Variants in PLCE1 observed in about 807,000 individuals in gnomAD.
PLCE1 encodes the protein phospholipase C epsilon 1, also known as 1-phosphatidylinositol 4,5-bisphosphate phosphodiesterase epsilon-1.
A neutral mutation model predicts 242.8 loss-of-function variants in PLCE1; 119 were observed. The observed-to-expected ratio is 0.49, with a 90% CI of 0.42 to 0.57. The LOEUF (loss-of-function observed/expected upper bound fraction) is 0.57. Ranked by LOEUF, PLCE1 falls within the 20% of genes least tolerant of loss-of-function variation. PLCE1 has a pLI of 0.00. For synonymous variants in PLCE1, 945 were observed against 1,017.4 expected (o/e 0.93, Z 1.35); for missense variants, 2,441 against 2,788.8 (o/e 0.88, Z 2.81).
At chr10:94,197,465 A>G (rs1409432796) in intron 4 of PLCE1, among the ~76,000 whole-genome samples, 1 of 152,150 alleles carries the variant, frequency 6.6e-6, no homozygotes, top group African/African-American at 2.4e-5. Flanking sequence ...GAGGGTTCTG[A>G]TTTATCCACA....
At chr10:94,263,710 A>G (rs1406378613) in intron 14 of PLCE1, among the ~76,000 whole-genome samples, 2 of 151,962 alleles carry the variant, frequency 1.3e-5, no homozygotes. Context: ...ACAAACAAAA[A>G]ACAAGTATGT....
chr10:94,255,071 A>G (rs1264982459), intron 11 of PLCE1, 22 bp downstream of exon 11: 2 of 1,612,444 alleles, frequency 1.2e-6, no homozygotes, highest in East Asian at 2.2e-5. Context: ...ACATGATAAA[A>G]CAGAAGGACC....
Position 94,263,694 on chromosome 10 carries a change from A to G in PLCE1, c.4053+962A>G, listed in dbSNP as rs896979082. Among the ~76,000 whole-genome samples, 3 of 151,958 alleles carry G rather than the reference A, an allele frequency of 2.0e-5. No homozygotes were observed. In the East Asian group the frequency reaches 5.8e-4, roughly 29 times the overall value. The stretch of plus-strand genomic sequence containing the variant: ...GGGTAACAGAGCGAAACCCTGTCTC[A>G]AAAAAACAAACAAAAAACAAGTATG... On this transcript the variant is annotated intron_variant, in intron 14 of 32. Coordinates refer to ENST00000371380, the MANE Select transcript of PLCE1 (RefSeq NM_016341.4).
At chr10:94,112,494 G>A (rs1432997149) in intron 2 of PLCE1, among the ~76,000 whole-genome samples, 1 of 152,228 alleles carries the variant, frequency 6.6e-6, no homozygotes, top group East Asian at 1.9e-4. Flanking sequence ...CTTTGGCTGT[G>A]TATCATGCTG....
intron 2 of PLCE1, chr10:94,096,901 G>C (rs12268638): frequency 1.3e-5 from 2 of 152,194 alleles, no homozygotes; most frequent in Non-Finnish European, 2.9e-5. Context: ...TCATATCAGC[G>C]AGTCTGACTT....
chr10:94,172,095 T>G (rs561496599), intron 4 of PLCE1, among the ~76,000 whole-genome samples: 1 of 151,996 alleles, frequency 6.6e-6, no homozygotes, highest in Non-Finnish European at 1.5e-5. Context: ...AGAAGACAGG[T>G]GTGACTGGAG....
At position 94,332,413 on chromosome 10, in the gene PLCE1, T is replaced by C. The variant is rs1028684891; in HGVS notation, c.*4470T>C. The C allele has an allele frequency of 2.0e-5, 3 of 152,056 alleles. No individual in the cohort carries two copies. Among genetic ancestry groups the C allele is most frequent in the African/African-American group, 7.2e-5 (3 of 41,402 alleles). 9.4% of individuals were successfully genotyped at this position (152,056 alleles called of 1,614,324 possible). ...CCCACCCCACTCTTAAGTGCCAGCA[T>C]AGTGCTAAACACACAGTAGGTGCTC... On this transcript the variant is annotated 3_prime_UTR_variant, in exon 33 of 33. Transcript: ENST00000371380.
In PLCE1 at chr10:94,258,816, A is replaced by C; in HGVS notation, c.3571A>C (p.Ser1191Arg). 1 of 1,614,112 alleles carries C rather than the reference A, an allele frequency of 6.2e-7. No individual in the cohort carries two copies. The highest frequency in any genetic ancestry group is 1.1e-5 in the South Asian group (1 of 91,088). The change falls in exon 12 of 33, where the codon AGC (serine) becomes CGC (arginine). Residue 1191 changes from serine (S) to arginine (R), a missense_variant. Ser to Arg is a moderately radical substitution (Grantham distance 110). Coordinates refer to ENST00000371380, the MANE Select transcript of PLCE1 (RefSeq NM_016341.4). ...TTGTTGCAGTGCTTGGAGCAGTAGT[A>C]GCTGGCACGGGCGGATCAAAGGCGG... ...KSPSSAWSSS[S>R]WHGRIKGGMK...
intron 4 of PLCE1, among the ~76,000 whole-genome samples, chr10:94,176,923 G>A (rs1039009238): frequency 6.6e-6 from 1 of 152,158 alleles, no homozygotes; most frequent in Admixed American, 6.5e-5. Context: ...TGGGTCTTGA[G>A]AGATGGGAGG....
chr10:94,108,919 G>C (rs2045855156), intron 2 of PLCE1: 1 of 152,196 alleles, frequency 6.6e-6, no homozygotes, highest in African/African-American at 2.4e-5. Flanking sequence ...TCTCTTAAGA[G>C]CACTTCACAT....
At chr10:94,285,866 C>T (rs2133352383) in intron 22 of PLCE1, among the ~76,000 whole-genome samples, 1 of 152,258 alleles carries the variant, frequency 6.6e-6, no homozygotes, top group East Asian at 1.9e-4. Flanking sequence ...AGTGGACAGG[C>T]TGATGAACCA....
intron 2 of PLCE1, among the ~76,000 whole-genome samples, chr10:94,056,184 C>G (rs975024487): frequency 1.3e-5 from 2 of 152,032 alleles, no homozygotes; most frequent in Non-Finnish European, 2.9e-5. Context: ...AAAAATGCAG[C>G]CTCTTGTGTT....
intron 3 of PLCE1, among the ~76,000 whole-genome samples, chr10:94,162,758 T>C (rs2047659393): frequency 6.6e-6 from 1 of 152,240 alleles, no homozygotes; most frequent in Non-Finnish European, 1.5e-5. Context: ...AGTGTGTCAA[T>C]TTTAGATCTT....
chr10:94,322,589 A>T (rs1278329426), intron 30 of PLCE1, among the ~76,000 whole-genome samples: 2 of 152,162 alleles, frequency 1.3e-5, no homozygotes, highest in African/African-American at 4.8e-5. Context: ...GTTCGAGACC[A>T]GCCTGGCCAA....
chr10:94,036,763 T>C (rs1008933272), intron 2 of PLCE1, among the ~76,000 whole-genome samples: 1 of 152,122 alleles, frequency 6.6e-6, no homozygotes, highest in Non-Finnish European at 1.5e-5. Context: ...TAGATACATA[T>C]AGTTATCTTG....
intron 4 of PLCE1, among the ~76,000 whole-genome samples, chr10:94,218,915 CTA>C (rs1009347468): frequency 1.4e-5 from 2 of 144,592 alleles, no homozygotes; most frequent in Non-Finnish European, 3.0e-5. Flanking sequence ...AAAAATCTGA[CTA>C]TAAAAATTTT....
chr10:94,316,618 A>T lies in PLCE1; in HGVS notation c.6204A>T (p.Ile2068=). ...DYFLMEEKYF[I]SKEKNECRKQ... ...TTTTGATGGAAGAAAAATATTTTAT[A>T]TCTAAAGAAAAGAATGAATGTAGGA... The change falls in exon 29 of 33, where the codon ATA becomes ATT. Residue 2068 remains isoleucine, a synonymous_variant. Transcript: ENST00000371380. The T allele has an allele frequency of 1.2e-6, 2 of 1,608,224 alleles. No homozygotes were observed. The highest frequency in any genetic ancestry group is 1.7e-6 in the Non-Finnish European group (2 of 1,174,770).
At chr10:94,144,432 C>A (rs2047057429) in intron 3 of PLCE1, among the ~76,000 whole-genome samples, 1 of 152,132 alleles carries the variant, frequency 6.6e-6, no homozygotes, top group Non-Finnish European at 1.5e-5. Context: ...GCCCTAGAGA[C>A]CTCCAGTGAT....
intron 2 of PLCE1, chr10:94,106,955 C>A (rs1481300822): frequency 9.2e-5 from 1 of 10,856 alleles, no homozygotes; most frequent in South Asian, 5.8e-3. Context: ...CCCCTCCCCT[C>A]CCCCCCCCAA....
Sources: allele counts gnomAD v4.1 joint callset (sites outside exome capture counted in the v4.1 genomes callset), GRCh38; gene constraint gnomAD v4.1.1; transcripts MANE v1.5; gene names NCBI Gene and HGNC (gene_info 2026-07-23, HGNC 2026-07-21).